The following PTPRD variants were observed in gnomAD, a reference collection of about 807,000 sequenced individuals.
The protein encoded by PTPRD is receptor-type tyrosine-protein phosphatase delta.
In PTPRD, 34 loss-of-function variants were observed where a neutral mutation model predicts 214.5. That is an observed-to-expected ratio of 0.16 (90% CI 0.12 to 0.21). PTPRD has a LOEUF of 0.21. Among genes scored for constraint, PTPRD ranks in the 10% least tolerant of loss-of-function variants. The pLI is 1.00. For synonymous variants in PTPRD, 1,128 were observed against 845.7 expected (o/e 1.33, Z -5.79); for missense variants, 2,545 against 2,398.7 (o/e 1.06, Z -1.27).
intron 2 of PTPRD, among the ~76,000 whole-genome samples, chr9:10,345,588 C>T (rs1044166344): frequency 6.6e-6 from 1 of 152,198 alleles, no homozygotes. Flanking sequence ...CTGCAAAGGA[C>T]ATGAACTCAT....
intron 11 of PTPRD, among the ~76,000 whole-genome samples, chr9:8,964,190 GTGTTT>G (rs1182225052): frequency 1.1e-4 from 6 of 52,956 alleles, no homozygotes; most frequent in Non-Finnish European, 2.1e-4. Context: ...GTTCAGGGCT[GTGTTT>G]TTTTTTTTTT....
chr9:9,404,097 A>G (rs2072140598), intron 8 of PTPRD, among the ~76,000 whole-genome samples: 1 of 152,092 alleles, frequency 6.6e-6, no homozygotes, highest in African/African-American at 2.4e-5. Context: ...AGTAAGCAGA[A>G]CAGAGTGGTA....
intron 4 of PTPRD, among the ~76,000 whole-genome samples, chr9:9,953,648 G>A (rs1224620648): frequency 6.6e-6 from 1 of 152,064 alleles, no homozygotes; most frequent in East Asian, 1.9e-4. Context: ...TTAACAGTCT[G>A]TGATATTGGT....
intron 6 of PTPRD, among the ~76,000 whole-genome samples, chr9:9,735,004 C>T (rs1348963364): frequency 2.0e-5 from 3 of 151,974 alleles, no homozygotes; most frequent in Admixed American, 2.0e-4. Flanking sequence ...CTGGCTATGA[C>T]AATAATTAGT....
At chr9:10,203,299 G>A (rs917991867) in intron 3 of PTPRD, among the ~76,000 whole-genome samples, 1 of 151,310 alleles carries the variant, frequency 6.6e-6, no homozygotes, top group African/African-American at 2.4e-5. Flanking sequence ...TGTATAAATT[G>A]AAAGTTGCTT....
At chr9:9,348,742 G>C (rs1009005140) in intron 9 of PTPRD, among the ~76,000 whole-genome samples, 2 of 151,954 alleles carry the variant, frequency 1.3e-5, no homozygotes, top group Non-Finnish European at 2.9e-5. Context: ...ACATTATTTG[G>C]TGCTTTATGT....
At chr9:8,463,308 CAAAAAAA>C (rs71308864) in intron 32 of PTPRD, among the ~76,000 whole-genome samples, 6 of 28,850 alleles carry the variant, frequency 2.1e-4, no homozygotes, top group South Asian at 1.7e-3. Context: ...CAGAGGCAGC[CAAAAAAA>C]AAAAAAAAAA....
At chr9:8,940,170 T>C (rs973852263) in intron 11 of PTPRD, among the ~76,000 whole-genome samples, 1 of 151,752 alleles carries the variant, frequency 6.6e-6, no homozygotes, top group Non-Finnish European at 1.5e-5. Flanking sequence ...CTGAACTCAG[T>C]CTTCAGGCTA....
intron 2 of PTPRD, among the ~76,000 whole-genome samples, chr9:10,499,550 G>A (rs1263826503): frequency 6.6e-6 from 1 of 151,844 alleles, no homozygotes; most frequent in East Asian, 1.9e-4. Flanking sequence ...TGTTTGAAAA[G>A]CATTTTTAAA....
chr9:8,944,706 TTA>T (rs2099053239), intron 11 of PTPRD, among the ~76,000 whole-genome samples: 1 of 152,002 alleles, frequency 6.6e-6, no homozygotes, highest in Non-Finnish European at 1.5e-5. Context: ...GTTAAAACAA[TTA>T]AATTCATGGA....
At chr9:9,624,272 T>A (rs1324399274) in intron 7 of PTPRD, among the ~76,000 whole-genome samples, 1 of 68,724 alleles carries the variant, frequency 1.5e-5, no homozygotes, top group Non-Finnish European at 3.8e-5. Flanking sequence ...AGTAGCTAGT[T>A]TTTTTTTTGT....
chr9:10,415,143 T>C (rs1205404240), intron 2 of PTPRD, among the ~76,000 whole-genome samples: 2 of 151,720 alleles, frequency 1.3e-5, no homozygotes, highest in East Asian at 1.9e-4. Context: ...ATACACCAAA[T>C]AATTTGTGAC....
chr9:8,957,726 G>C (rs2099138599), intron 11 of PTPRD, among the ~76,000 whole-genome samples: 1 of 151,812 alleles, frequency 6.6e-6, no homozygotes, highest in African/African-American at 2.4e-5. Flanking sequence ...ATACTCATTT[G>C]TTAAAGGAAT....
intron 14 of PTPRD, among the ~76,000 whole-genome samples, chr9:8,549,572 T>C (rs938088542): frequency 3.3e-5 from 5 of 152,178 alleles, no homozygotes; most frequent in Non-Finnish European, 7.3e-5. Context: ...AACAATTATA[T>C]TATTTTGCAT....
At chr9:9,102,875 G>T (rs932879269) in intron 10 of PTPRD, among the ~76,000 whole-genome samples, 1 of 152,170 alleles carries the variant, frequency 6.6e-6, no homozygotes, top group African/African-American at 2.4e-5. Context: ...TGAATTGCTA[G>T]TTTCCAATAG....
intron 2 of PTPRD, among the ~76,000 whole-genome samples, chr9:10,350,093 C>T (rs933131945): frequency 6.6e-6 from 1 of 152,168 alleles, no homozygotes; most frequent in Non-Finnish European, 1.5e-5. Context: ...ATTGATTAGA[C>T]AATACTTCAC....
chr9:9,967,648 A>G (rs2094799120), intron 4 of PTPRD, among the ~76,000 whole-genome samples: 1 of 152,202 alleles, frequency 6.6e-6, no homozygotes, highest in Non-Finnish European at 1.5e-5. Context: ...GAGAATTAAA[A>G]GTTGTATTAG....
At chr9:9,772,449 C>A (rs141236904) in intron 5 of PTPRD, among the ~76,000 whole-genome samples, 1 of 152,054 alleles carries the variant, frequency 6.6e-6, no homozygotes, top group Admixed American at 6.6e-5. Flanking sequence ...AAATTTTATC[C>A]TTAGTGTTCT....
intron 7 of PTPRD, among the ~76,000 whole-genome samples, chr9:9,705,151 T>C (rs1321495614): frequency 6.6e-6 from 1 of 152,236 alleles, no homozygotes; most frequent in African/African-American, 2.4e-5. Flanking sequence ...GCTGAATCTT[T>C]GCTCAAATAC....
Sources: gnomAD v4.1 joint callset for allele counts (sites outside exome capture counted in the v4.1 genomes callset) on GRCh38, gnomAD v4.1.1 for gene constraint, MANE v1.5 for transcripts, NCBI Gene and HGNC (gene_info 2026-07-23, HGNC 2026-07-21) for gene names.